Variants in KCND2 observed in about 807,000 individuals in gnomAD.
KCND2 encodes potassium voltage-gated channel subfamily D member 2, also known as A-type voltage-gated potassium channel KCND2.
Under a neutral mutation model 54.4 loss-of-function variants are expected in KCND2, and 16 were observed. That is an observed-to-expected ratio of 0.29 (90% confidence interval 0.20 to 0.45). The LOEUF is 0.45. Among genes scored for constraint, KCND2 ranks in the 20% least tolerant of loss-of-function variants. The pLI, the probability that KCND2 is intolerant of heterozygous loss-of-function variation, is 1.00. For missense variants in KCND2, 486 were observed against 824.2 expected (o/e 0.59, Z 5.02); for synonymous variants, 317 against 310.7 (o/e 1.02, Z -0.21).
intron 1 of KCND2, among the ~76,000 whole-genome samples, chr7:120,619,226 T>C (rs1404915336): frequency 3.9e-5 from 6 of 152,124 alleles, no homozygotes; most frequent in Admixed American, 3.9e-4. Context: ...GTGCTTAAGT[T>C]AGATACCAGC....
At chr7:120,723,720 C>A (rs954816280) in intron 1 of KCND2, among the ~76,000 whole-genome samples, 1 of 152,054 alleles carries the variant, frequency 6.6e-6, no homozygotes, top group Non-Finnish European at 1.5e-5. Context: ...CATAGTGAGA[C>A]CTTGTCTCTT....
chr7:120,365,179 GAGGA>G (rs1563022892), intron 1 of KCND2, among the ~76,000 whole-genome samples: 1 of 138,714 alleles, frequency 7.2e-6, no homozygotes, highest in African/African-American at 2.6e-5. Context: ...GGAGCAAAGA[GAGGA>G]AGGAAGGAAG....
chr7:120,392,443 T>C (rs186581826), intron 1 of KCND2, among the ~76,000 whole-genome samples: 50 of 151,446 alleles, frequency 3.3e-4, no homozygotes, highest in Admixed American at 2.9e-3. Context: ...TTTTTTGTTT[T>C]TTTTTTTAGT....
intron 4 of KCND2, among the ~76,000 whole-genome samples, chr7:120,744,601 T>C (rs1443082428): frequency 2.0e-5 from 3 of 152,334 alleles, no homozygotes; most frequent in South Asian, 4.1e-4. Context: ...CTGTCTTGTC[T>C]GATTATATTA....
intron 1 of KCND2, among the ~76,000 whole-genome samples, chr7:120,494,228 C>A (rs1054217135): frequency 6.6e-6 from 1 of 151,932 alleles, no homozygotes; most frequent in Admixed American, 6.6e-5. Flanking sequence ...CTTCCAAGAC[C>A]GGTAATGTCT....
At chr7:120,436,595 C>T (rs1439290716) in intron 1 of KCND2, among the ~76,000 whole-genome samples, 1 of 152,060 alleles carries the variant, frequency 6.6e-6, no homozygotes, top group African/African-American at 2.4e-5. Context: ...CTCAGTCAGC[C>T]CTAACTGACT....
intron 1 of KCND2, among the ~76,000 whole-genome samples, chr7:120,414,720 A>C (rs1801500757): frequency 6.6e-6 from 1 of 152,110 alleles, no homozygotes; most frequent in African/African-American, 2.4e-5. Context: ...TTTTGTTGTC[A>C]CCACTTTTTC....
chr7:120,629,634 T>C lies in KCND2; in HGVS notation c.1116-103269T>C, dbSNP rs148812152. Among the ~76,000 whole-genome samples, 894 of 152,284 alleles carry C rather than the reference T, an allele frequency of 5.9e-3. 6 individuals are homozygous for C. Among genetic ancestry groups the C allele is most frequent in the Middle Eastern group, 0.01 (3 of 294 alleles). On this transcript the variant is annotated intron_variant, in intron 1 of 5. Coordinates refer to ENST00000331113, the MANE Select transcript of KCND2 (RefSeq NM_012281.3). ...ATGAATTGCTCTTCCTATTGAACGA[T>C]GGGGTCAAGGTGGACGCTGCAAGTT...
chr7:120,321,554 A>AT (rs538683549), intron 1 of KCND2, among the ~76,000 whole-genome samples: 3 of 151,942 alleles, frequency 2.0e-5, no homozygotes, highest in South Asian at 2.1e-4. Flanking sequence ...TTTGAATATT[A>AT]TTTTTTTTCT....
chr7:120,281,859 C>T (rs1053892772), intron 1 of KCND2, among the ~76,000 whole-genome samples: 2 of 152,162 alleles, frequency 1.3e-5, no homozygotes, highest in African/African-American at 4.8e-5. Context: ...ACTCTTAAGC[C>T]AAATTATTTT....
intron 2 of KCND2, among the ~76,000 whole-genome samples, chr7:120,739,874 T>C (rs1232739427): frequency 6.6e-6 from 1 of 151,868 alleles, no homozygotes; most frequent in African/African-American, 2.4e-5. Flanking sequence ...TTCAGAAATA[T>C]GTCTTGTAGA....
intron 1 of KCND2, among the ~76,000 whole-genome samples, chr7:120,402,374 A>G (rs1240968483): frequency 1.3e-5 from 2 of 152,200 alleles, no homozygotes; most frequent in Admixed American, 6.6e-5. Flanking sequence ...AACTGAATGC[A>G]TTCCAGCTTT....
In KCND2 at chr7:120,339,290, C is replaced by T. The variant is rs1800204402; in HGVS notation, c.1115+63543C>T. On this transcript the variant is annotated intron_variant, in intron 1 of 5. Transcript: ENST00000331113. ...AAACCATGTAAAATGTCCCCCATTA[C>T]TGCAGTATTCAAGCACAGACTAGAA... Among the ~76,000 whole-genome samples the T allele has an allele frequency of 2.0e-5, 3 of 151,920 alleles. No homozygotes were observed. In the South Asian group the frequency reaches 6.2e-4, roughly 32 times the overall value.
intron 1 of KCND2, among the ~76,000 whole-genome samples, chr7:120,465,532 A>G (rs1291348980): frequency 1.3e-5 from 2 of 152,196 alleles, no homozygotes; most frequent in Non-Finnish European, 1.5e-5. Flanking sequence ...GATCAAAGAC[A>G]TGAAGGATTT....
At chr7:120,657,191 G>T (rs992321865) in intron 1 of KCND2, among the ~76,000 whole-genome samples, 1 of 152,098 alleles carries the variant, frequency 6.6e-6, no homozygotes, top group African/African-American at 2.4e-5. Flanking sequence ...TAAGTTCCTT[G>T]CATTCACACT....
chr7:120,302,661 G>A (rs1799603925), intron 1 of KCND2, among the ~76,000 whole-genome samples: 1 of 152,144 alleles, frequency 6.6e-6, no homozygotes, highest in Non-Finnish European at 1.5e-5. Flanking sequence ...TTAAAAGAGT[G>A]ATATACAAAC....
intron 1 of KCND2, among the ~76,000 whole-genome samples, chr7:120,323,002 T>G (rs1156806565): frequency 6.6e-6 from 1 of 152,172 alleles, no homozygotes; most frequent in Non-Finnish European, 1.5e-5. Flanking sequence ...GTTTTGTTTT[T>G]AAGTTCTGGG....
intron 1 of KCND2, among the ~76,000 whole-genome samples, chr7:120,392,430 GT>G (rs1038610900): frequency 2.7e-5 from 4 of 149,154 alleles, no homozygotes; most frequent in Non-Finnish European, 6.0e-5. Flanking sequence ...ATTTAAAGTA[GT>G]TTTTTTTGTT....
intron 5 of KCND2, among the ~76,000 whole-genome samples, chr7:120,746,324 T>C (rs1281446655): frequency 6.6e-6 from 1 of 152,158 alleles, no homozygotes; most frequent in East Asian, 1.9e-4. Flanking sequence ...CAAGGACTTT[T>C]ATACTCAGGA....
Sources: gnomAD v4.1 joint callset for allele counts (sites outside exome capture counted in the v4.1 genomes callset) on GRCh38, gnomAD v4.1.1 for gene constraint, MANE v1.5 for transcripts, NCBI Gene and HGNC (gene_info 2026-07-23, HGNC 2026-07-21) for gene names.